The following LEPR variants were observed in gnomAD, a reference collection of about 807,000 sequenced individuals.
The protein encoded by LEPR is OB receptor.
LEPR carries 56 observed loss-of-function variants against 114.7 expected under a neutral mutation model. That is an observed-to-expected ratio of 0.49 (90% CI 0.39 to 0.61). LEPR has a LOEUF of 0.61. LEPR is among the 20% of genes least tolerant of loss of function. The pLI is 0.00. For synonymous variants in LEPR, 443 were observed against 461.4 expected (o/e 0.96, Z 0.51); for missense variants, 1,202 against 1,352.9 (o/e 0.89, Z 1.75).
At chr1:65,572,954 C>A (rs1654309753) in intron 5 of LEPR, among the ~76,000 whole-genome samples, 1 of 152,130 alleles carries the variant, frequency 6.6e-6, no homozygotes, top group Non-Finnish European at 1.5e-5. Flanking sequence ...GGGTCAGCAG[C>A]TTAACTCTTT....
At chr1:65,635,592 G>T (rs17127838) in intron 19 of LEPR, among the ~76,000 whole-genome samples, 34,143 of 151,956 alleles carry the variant, frequency 0.22, 4,189 homozygotes, top group South Asian at 0.33. Context: ...GTCTCAAGCA[G>T]ATTCTCAGTA....
chr1:65,578,641 T>C (rs567458465), intron 5 of LEPR, among the ~76,000 whole-genome samples: 2 of 152,214 alleles, frequency 1.3e-5, no homozygotes, highest in Non-Finnish European at 2.9e-5. Flanking sequence ...CTGGGCAGTA[T>C]TAATTGCTCC....
rs142094687 is a variant in LEPR at position 65,531,620 on chromosome 1, G to A, written c.-20-33926G>A. On this transcript the variant is annotated intron_variant, in intron 2 of 19. Transcript: ENST00000349533. Reference sequence around the variant, plus strand: ...TTGTGTCCCTAGTGTGTGAAATAGGGCCTAACATGTAAGAGGTGCTCAATG... The same window carrying A: ...TTGTGTCCCTAGTGTGTGAAATAGGACCTAACATGTAAGAGGTGCTCAATG... Among the ~76,000 whole-genome samples, 4 of 152,122 alleles carry A rather than the reference G, an allele frequency of 2.6e-5. No homozygotes were observed. The South Asian group carries it at 8.3e-4, about 32-fold the overall frequency.
intron 2 of LEPR, chr1:65,429,846 T>G (rs771497046): frequency 5.0e-6 from 7 of 1,405,472 alleles, no homozygotes; most frequent in Non-Finnish European, 6.6e-6. Flanking sequence ...GGATTTTGCC[T>G]GGGTCCAACT....
At chr1:65,447,534 C>T (rs78791488) in intron 2 of LEPR, among the ~76,000 whole-genome samples, 27 of 135,596 alleles carry the variant, frequency 2.0e-4, no homozygotes, top group African/African-American at 2.9e-4. Context: ...TTTTTCTTTT[C>T]TTTTTTTTTT....
chr1:65,638,745 T>C lies in LEPR; in HGVS notation c.*1730T>C, dbSNP rs1335548692. 1 of 152,144 alleles carries C rather than the reference T, an allele frequency of 6.6e-6. No homozygotes were observed. The highest frequency in any genetic ancestry group is 2.4e-5 in the African/African-American group (1 of 41,432). 9.4% of individuals were successfully genotyped at this position (152,144 alleles called of 1,614,324 possible). ...TAAGTATTTTTAAGATGTCTCAGGA[T>C]CTCACATACTCAACTAATGACCCCC... On this transcript the variant is annotated 3_prime_UTR_variant, in exon 20 of 20. Coordinates refer to ENST00000349533, the MANE Select transcript of LEPR (RefSeq NM_002303.6).
Position 65,592,789 on chromosome 1 carries a change from CCTT to C in LEPR, c.628_630del (p.Leu210del), listed in dbSNP as rs757236385. 3 of 1,613,330 alleles carry C rather than the reference CCTT, an allele frequency of 1.9e-6. No individual in the cohort carries two copies. The East Asian group carries it at 6.7e-5, about 36-fold the overall frequency. On this transcript the variant is annotated inframe_deletion, in exon 6 of 20. Coordinates refer to ENST00000349533, the MANE Select transcript of LEPR (RefSeq NM_002303.6). ...CAACAGCCAAACTCAACGACACTCT[CCTT>C]ATGTGTTTGAAAATCACATCTGGTG...
intron 2 of LEPR, among the ~76,000 whole-genome samples, chr1:65,503,802 C>A (rs1365802555): frequency 1.9e-5 from 1 of 51,604 alleles, no homozygotes; most frequent in Non-Finnish European, 6.4e-5. Context: ...TAGCTACACA[C>A]ACACACACAC....
chr1:65,455,020 C>T lies in LEPR; in HGVS notation c.-21+29642C>T, dbSNP rs542567755. ...TTTCTCTAAACTTCCCTTCTCACTT[C>T]ATTTCATTCACTTCATCTTCCATCG... is the stretch of plus-strand genomic sequence containing the variant. On this transcript the variant is annotated intron_variant, in intron 2 of 19. Coordinates refer to ENST00000349533, the MANE Select transcript of LEPR (RefSeq NM_002303.6). Among the ~76,000 whole-genome samples the T allele has an allele frequency of 2.9e-3, 439 of 152,272 alleles. 2 individuals carry two copies. The highest frequency in any genetic ancestry group is 9.6e-3 in the African/African-American group (400 of 41,554).
At chr1:65,623,204 A>G (rs1657991452) in intron 19 of LEPR, 1 of 521,612 alleles carries the variant, frequency 1.9e-6, no homozygotes, top group Non-Finnish European at 3.4e-6. Context: ...AGAGTTCACA[A>G]TATACATATG....
At chr1:65,507,485 GTATA>G (rs1648802491) in intron 2 of LEPR, among the ~76,000 whole-genome samples, 1 of 137,770 alleles carries the variant, frequency 7.3e-6, no homozygotes, top group African/African-American at 2.8e-5. Flanking sequence ...ACATATATAT[GTATA>G]TATGTGTGTG....
At chr1:65,628,711 G>C (rs1434777483) in intron 19 of LEPR, among the ~76,000 whole-genome samples, 1 of 152,042 alleles carries the variant, frequency 6.6e-6, no homozygotes, top group East Asian at 1.9e-4. Flanking sequence ...TGTTTAAGGT[G>C]TTTGAACACT....
At chr1:65,505,643 C>G (rs992812890) in intron 2 of LEPR, among the ~76,000 whole-genome samples, 1 of 152,168 alleles carries the variant, frequency 6.6e-6, no homozygotes, top group Non-Finnish European at 1.5e-5. Flanking sequence ...AGCTCCCACC[C>G]CCTCTGGCTC....
intron 5 of LEPR, 37 bp downstream of exon 5, chr1:65,572,486 A>G (rs773838739): frequency 1.3e-6 from 2 of 1,555,682 alleles, no homozygotes; most frequent in Non-Finnish European, 1.8e-6. Context: ...TTTCTAATAC[A>G]CAGTTTTTTT....
rs373641040 is a variant in LEPR at position 65,581,723 on chromosome 1, T to C, written c.494+9274T>C. 1.1e-3 allele frequency among the ~76,000 whole-genome samples: 162 copies of C among 152,306 alleles called. 1 individual carries two copies. Among genetic ancestry groups the C allele is most frequent in the African/African-American group, 3.7e-3 (154 of 41,564 alleles). Reference sequence around the variant, plus strand: ...CAAGACTATGAAGTCCTCTTTCCTTTTGTTTAAGGGCCCTTTCTTCAATGT... The same window carrying C: ...CAAGACTATGAAGTCCTCTTTCCTTCTGTTTAAGGGCCCTTTCTTCAATGT... On this transcript the variant is annotated intron_variant, in intron 5 of 19. Coordinates refer to ENST00000349533, the MANE Select transcript of LEPR (RefSeq NM_002303.6).
At chr1:65,495,708 T>C (rs1648120597) in intron 2 of LEPR, among the ~76,000 whole-genome samples, 1 of 152,202 alleles carries the variant, frequency 6.6e-6, no homozygotes, top group African/African-American at 2.4e-5. Flanking sequence ...CATGAGGGAC[T>C]ATTATTCAAC....
chr1:65,464,944 G>A (rs945279521), intron 2 of LEPR, among the ~76,000 whole-genome samples: 2 of 151,830 alleles, frequency 1.3e-5, no homozygotes, highest in Non-Finnish European at 2.9e-5. Flanking sequence ...CTTGCTAGCG[G>A]TCTATTTTGT....
At chr1:65,582,767 A>G (rs574015075) in intron 5 of LEPR, among the ~76,000 whole-genome samples, 1 of 152,212 alleles carries the variant, frequency 6.6e-6, no homozygotes, top group East Asian at 1.9e-4. Context: ...CTTTCTTGCC[A>G]TTATCCTCTA....
intron 7 of LEPR, 122 bp downstream of exon 7, chr1:65,596,715 T>C (rs1656089606): frequency 1.2e-6 from 1 of 847,778 alleles, no homozygotes; most frequent in African/African-American, 1.7e-5. Flanking sequence ...GAATGAATTA[T>C]AATTCAACAT....
Sources: allele counts gnomAD v4.1 joint callset (sites outside exome capture counted in the v4.1 genomes callset), GRCh38; gene constraint gnomAD v4.1.1; transcripts MANE v1.5; gene names NCBI Gene and HGNC (gene_info 2026-07-23, HGNC 2026-07-21).